EMILIN2: variants seen among roughly 807,000 people sequenced by gnomAD.
EMILIN2 encodes EMILIN-2.
Under a neutral mutation model 87.1 loss-of-function variants are expected in EMILIN2, and 71 were observed. The observed-to-expected ratio is 0.82, with a 90% CI of 0.67 to 0.99. EMILIN2 has a LOEUF of 0.99. Ranked by LOEUF, EMILIN2 falls within the 50% of genes least tolerant of loss-of-function variation. The pLI is 0.00. For synonymous variants in EMILIN2, 581 were observed against 563.4 expected, an observed-to-expected ratio of 1.03 and a Z score of -0.44; for missense variants, 1,407 against 1,371.8, an observed-to-expected ratio of 1.03 and a Z score of -0.40.
intron 2 of EMILIN2, among the ~76,000 whole-genome samples, chr18:2,879,839 G>T (rs529065633): frequency 6.6e-6 from 1 of 152,104 alleles, no homozygotes; most frequent in African/African-American, 2.4e-5. Flanking sequence ...CCAAGTAGCT[G>T]GGATAAGAGG....
At position 2,859,174 on chromosome 18, in the gene EMILIN2, G is replaced by A. The variant is rs115732763; in HGVS notation, c.257+11243G>A. ...TTCCGTAGTGGTTGGGCTAGTTTAC[G>A]TTCCCATCAGCAGTGTAGAAGTGTT... On this transcript the variant is annotated intron_variant, in intron 2 of 7. Coordinates refer to ENST00000254528, the MANE Select transcript of EMILIN2 (RefSeq NM_032048.3). Among the ~76,000 whole-genome samples, 581 of 152,188 alleles carry A rather than the reference G, an allele frequency of 3.8e-3. 4 individuals are homozygous for A. The highest frequency in any genetic ancestry group is 0.013 in the African/African-American group (558 of 41,520).
intron 2 of EMILIN2, among the ~76,000 whole-genome samples, chr18:2,876,854 T>G (rs28411061): frequency 0.23 from 34,265 of 152,162 alleles, 4,080 homozygotes; most frequent in Admixed American, 0.28. Context: ...GGATACATTT[T>G]GTGTTTCAGA....
chr18:2,846,781 C>A, upstream of EMILIN2: 1 of 985,380 alleles, frequency 1.0e-6, no homozygotes, highest in Non-Finnish European at 1.2e-6. This position sits in a 1 kb window ranked among gnomAD's most constrained non-coding sequence, Gnocchi z 5.3. Context: ...GGGAAGAGAC[C>A]AAAGGAATGA....
chr18:2,911,300 G>A (rs1456075760), intron 7 of EMILIN2, among the ~76,000 whole-genome samples: 1 of 152,198 alleles, frequency 6.6e-6, no homozygotes, highest in Admixed American at 6.5e-5. Context: ...GGGGGCGTGC[G>A]CAGTGTTTCC....
intron 4 of EMILIN2, among the ~76,000 whole-genome samples, chr18:2,905,715 G>A (rs1043313595): frequency 6.6e-6 from 1 of 151,220 alleles, no homozygotes; most frequent in Non-Finnish European, 1.5e-5. Context: ...TGATTCTCCT[G>A]CCTCAGCCTC....
chr18:2,912,663 C>T (rs2076946881), intron 7 of EMILIN2, among the ~76,000 whole-genome samples: 1 of 152,206 alleles, frequency 6.6e-6, no homozygotes, highest in Non-Finnish European at 1.5e-5. Context: ...TGGGCCTCTT[C>T]CACGAGGAGC....
intron 4 of EMILIN2, among the ~76,000 whole-genome samples, chr18:2,905,797 G>A (rs2076908735): frequency 7.2e-6 from 1 of 138,118 alleles, no homozygotes; most frequent in Non-Finnish European, 1.6e-5. Context: ...TTTTTTTTTG[G>A]ATATTTGGAA....
intron 2 of EMILIN2, among the ~76,000 whole-genome samples, chr18:2,873,061 A>C (rs1030640085): frequency 3.4e-5 from 5 of 145,272 alleles, no homozygotes; most frequent in African/African-American, 1.3e-4. Flanking sequence ...AAAAAAAAAA[A>C]CAAAACCAAA....
At chr18:2,868,794 A>G (rs1171535228) in intron 2 of EMILIN2, among the ~76,000 whole-genome samples, 2 of 151,970 alleles carry the variant, frequency 1.3e-5, no homozygotes, top group African/African-American at 4.8e-5. Context: ...TGGAAAGAGG[A>G]GAGGGAGAGG....
chr18:2,863,059 G>T (rs1317224037), intron 2 of EMILIN2, among the ~76,000 whole-genome samples: 2 of 152,114 alleles, frequency 1.3e-5, no homozygotes, highest in Non-Finnish European at 2.9e-5. Flanking sequence ...TGTGGGATCG[G>T]TGGTGATATC....
rs1169791815 is a variant in EMILIN2 at position 2,890,400 on chromosome 18, C to T, written c.434-161C>T. ...GTAGAGGTCTATTTGACTACAAAGC[C>T]CATACTCTTTTCTACTGTACCACAG... On this transcript the variant is annotated intron_variant, in intron 3 of 7. Coordinates refer to ENST00000254528, the MANE Select transcript of EMILIN2 (RefSeq NM_032048.3). This position sits in a 1 kb window ranked among gnomAD's most constrained non-coding sequence, Gnocchi z 4.7. 6.6e-6 allele frequency among the ~76,000 whole-genome samples: 1 copy of T among 152,192 alleles called. No homozygotes were observed. The highest frequency in any genetic ancestry group is 2.4e-5 in the African/African-American group (1 of 41,450).
chr18:2,906,609 C>A, intron 4 of EMILIN2, 174 bp from the exon 5 acceptor site: 1 of 479,646 alleles, frequency 2.1e-6, no homozygotes, highest in Non-Finnish European at 3.2e-6. Flanking sequence ...CCCGCGGCGT[C>A]CTCGGAAGAT....
At chr18:2,852,142 G>A (rs1405294750) in intron 2 of EMILIN2, among the ~76,000 whole-genome samples, 1 of 152,206 alleles carries the variant, frequency 6.6e-6, no homozygotes, top group East Asian at 1.9e-4. Flanking sequence ...TGTTGAGAAT[G>A]CATTTCTGTG....
At chr18:2,883,852 C>T (rs1223281456) in intron 2 of EMILIN2, among the ~76,000 whole-genome samples, 1 of 152,204 alleles carries the variant, frequency 6.6e-6, no homozygotes, top group Non-Finnish European at 1.5e-5. Flanking sequence ...TGTGAGCTGC[C>T]ATCTGCAAAA....
intron 4 of EMILIN2, among the ~76,000 whole-genome samples, chr18:2,900,219 G>GCT (rs2076882546): frequency 6.6e-6 from 1 of 151,800 alleles, no homozygotes; most frequent in South Asian, 2.1e-4. Flanking sequence ...ACAGGGTCTT[G>GCT]CTCTGTTGCC....
At chr18:2,899,081 T>TG (rs2076876325) in intron 4 of EMILIN2, among the ~76,000 whole-genome samples, 1 of 151,702 alleles carries the variant, frequency 6.6e-6, no homozygotes, top group South Asian at 2.1e-4. Context: ...CTGGGATCTT[T>TG]AAAAAAAACA....
chr18:2,857,552 A>T (rs1451135222), intron 2 of EMILIN2, among the ~76,000 whole-genome samples: 1 of 152,166 alleles, frequency 6.6e-6, no homozygotes, highest in Admixed American at 6.5e-5. Context: ...CATATCTTGA[A>T]ACGGAGGAGG....
Position 2,875,162 on chromosome 18 carries a change from T to C in EMILIN2, c.258-9802T>C, listed in dbSNP as rs1026961709. Among the ~76,000 whole-genome samples, 4 of 152,346 alleles carry C rather than the reference T, an allele frequency of 2.6e-5. No homozygotes were observed. In the South Asian group the frequency reaches 8.3e-4, roughly 32 times the overall value. On this transcript the variant is annotated intron_variant, in intron 2 of 7. Transcript: ENST00000254528. ...CAAGGGAAGAGCAGGAGAAAGGATG[T>C]CAGTCATTCTTGTGACTTTTGTAGG...
chr18:2,896,921 G>A (rs1048060218), intron 4 of EMILIN2, among the ~76,000 whole-genome samples: 3 of 151,932 alleles, frequency 2.0e-5, no homozygotes, highest in African/African-American at 7.3e-5. Context: ...TGTATCGCTT[G>A]AGCCCAAGAG....
Sources: allele counts gnomAD v4.1 joint callset (sites outside exome capture counted in the v4.1 genomes callset), GRCh38; gene constraint gnomAD v4.1.1; non-coding constraint Gnocchi (gnomAD v3.1); transcripts MANE v1.5; gene names NCBI Gene and HGNC (gene_info 2026-07-23, HGNC 2026-07-21).